The following ITGB4 variants were observed in gnomAD, a reference collection of about 807,000 sequenced individuals.
ITGB4 encodes the protein integrin subunit beta 4.
Under a neutral mutation model 207.6 loss-of-function variants are expected in ITGB4, and 159 were observed. The ratio of observed to expected loss-of-function variants is 0.77; its 90% CI spans 0.67 to 0.87. ITGB4 has a LOEUF of 0.87. Among genes scored for constraint, ITGB4 ranks in the 40% least tolerant of loss-of-function variants. The pLI is 0.00. For synonymous variants in ITGB4, 1,020 were observed against 1,062.7 expected, an observed-to-expected ratio of 0.96 and a Z score of 0.78; for missense variants, 2,278 against 2,546.8, an observed-to-expected ratio of 0.89 and a Z score of 2.27.
chr17:75,731,746 C>G lies in ITGB4; in HGVS notation c.1216-66C>G. The G allele has an allele frequency of 6.7e-7, 1 of 1,492,308 alleles. No homozygotes were observed. Among genetic ancestry groups the G allele is most frequent in the Non-Finnish European group, 9.0e-7 (1 of 1,112,128 alleles). The allele number at this position is 1,492,308 out of a possible 1,614,324, so 92.4% of individuals were successfully genotyped here. A position where few individuals can be genotyped will look rare whatever the true frequency, so the allele number is the denominator to read the frequency against. On this transcript the variant is annotated intron_variant, in intron 10 of 39. Coordinates refer to ENST00000200181, the MANE Select transcript of ITGB4 (RefSeq NM_000213.5). This position sits in a 1 kb window ranked among gnomAD's most constrained non-coding sequence, Gnocchi z 6.8. ...TAGGAACTTGGGGGCCGAGGGCCTT[C>G]AGGCATCGATGGCCCCCTGGTCCTT...
chr17:75,749,052 A>G lies in ITGB4; in HGVS notation c.3316+7A>G. 1 of 1,607,432 alleles carries G rather than the reference A, an allele frequency of 6.2e-7. No individual in the cohort carries two copies. Among genetic ancestry groups the G allele is most frequent in the East Asian group, 2.2e-5 (1 of 44,868 alleles). ...ATCATCATCAGGGACCCAGGTAGGCAGAGCCTGGGGGTCGGCTTAAGCAGG... is the reference window on the plus strand; with the variant it reads ...ATCATCATCAGGGACCCAGGTAGGCGGAGCCTGGGGGTCGGCTTAAGCAGG... On this transcript the variant is annotated splice_region_variant and intron_variant, in intron 27 of 39. Transcript: ENST00000200181.
chr17:75,742,618 A>G lies in ITGB4; in HGVS notation c.2819A>G (p.Glu940Gly), dbSNP rs1357922259. The G allele has an allele frequency of 6.2e-7, 1 of 1,613,830 alleles. No homozygotes were observed. Among genetic ancestry groups the G allele is most frequent in the Non-Finnish European group, 8.5e-7 (1 of 1,180,000 alleles). ...RGMVEFQEGV[E>G]LVDVRVPLFI... ...ATGGTGGAGTTCCAGGAGGGCGTGGAGCTGGTGGACGTACGGGTGCCCCTC... is the reference window on the plus strand; with the variant it reads ...ATGGTGGAGTTCCAGGAGGGCGTGGGGCTGGTGGACGTACGGGTGCCCCTC... Residue 940 changes from glutamate to glycine, a missense_variant, in exon 25 of 40, where the codon GAG becomes GGG. Coordinates refer to ENST00000200181, the MANE Select transcript of ITGB4 (RefSeq NM_000213.5). This position sits in a 1 kb window ranked among gnomAD's most constrained non-coding sequence, Gnocchi z 5.9.
At chr17:75,733,417 A>T in intron 12 of ITGB4, 73 bp from the exon 13 acceptor site, 1 of 1,192,990 alleles carries the variant, frequency 8.4e-7, no homozygotes, top group Non-Finnish European at 1.2e-6. Flanking sequence ...AAATTAAATT[A>T]AATTAAATGG....
chr17:75,736,176 A>T, intron 14 of ITGB4, 22 bp downstream of exon 14: 2 of 1,611,776 alleles, frequency 1.2e-6, no homozygotes, highest in South Asian at 2.2e-5. Context: ...CATAAGACAG[A>T]CAGTGTCTGT....
At position 75,731,942 on chromosome 17, in the gene ITGB4, G is replaced by A. The variant is rs566831423; in HGVS notation, c.1346G>A (p.Gly449Asp). Residue 449 changes from glycine (G) to aspartate (D), a missense_variant, in exon 11 of 40, where the codon GGC (glycine) becomes GAC (aspartate). Coordinates refer to ENST00000200181, the MANE Select transcript of ITGB4 (RefSeq NM_000213.5). The surrounding 1 kb of genome is among the most constrained non-coding windows in gnomAD (Gnocchi z 6.8). ...SFSDGLKMDA[G>D]IICDVCTCEL... Reference sequence around the variant, plus strand: ...TCCGACGGCCTCAAGATGGACGCGGGCATCATCTGTGATGTGTGCACCTGC... The same window carrying A: ...TCCGACGGCCTCAAGATGGACGCGGACATCATCTGTGATGTGTGCACCTGC... The A allele has an allele frequency of 6.2e-7, 1 of 1,614,052 alleles. No individual in the cohort carries two copies. The highest frequency in any genetic ancestry group is 1.3e-5 in the African/African-American group (1 of 75,058).
chr17:75,727,773 C>G lies in ITGB4; in HGVS notation c.387C>G (p.Pro129=). 6.2e-7 allele frequency: 1 copy of G among 1,614,066 alleles called. No homozygotes were observed. The highest frequency in any genetic ancestry group is 2.2e-5 in the East Asian group (1 of 44,882). The change falls in exon 5 of 40, where the codon CCC becomes CCG. Residue 129 remains proline (P), a synonymous_variant. Transcript: ENST00000200181. The surrounding 1 kb of genome is among the most constrained non-coding windows in gnomAD (Gnocchi z 6.0). ...AGGTGTTTGAGCCACTGGAGAGCCC[C>G]GTGGACCTGTACATCCTCATGGACT... ...ELEVFEPLES[P]VDLYILMDFS...
rs149764167 is a variant in ITGB4, at chr17:75,729,678, G to C, written c.738+242G>C. Among the ~76,000 whole-genome samples the C allele has an allele frequency of 1.3e-5, 2 of 152,296 alleles. No individual in the cohort carries two copies. Among genetic ancestry groups the C allele is most frequent in the African/African-American group, 2.4e-5 (1 of 41,562 alleles). On this transcript the variant is annotated intron_variant, in intron 7 of 39. Transcript: ENST00000200181. The surrounding 1 kb of genome is among the most constrained non-coding windows in gnomAD (Gnocchi z 4.4). ...GCCTGAGCAGTCACAGCCTGGTTTC[G>C]TATCAGCTACCAAGGCAGACCTGGG... is the stretch of plus-strand genomic sequence containing the variant.
Position 75,740,158 on chromosome 17 carries a change from T to C in ITGB4, c.2446+87T>C, listed in dbSNP as rs2061073876. 4 of 1,427,324 alleles carry C rather than the reference T, an allele frequency of 2.8e-6. No homozygotes were observed. The highest frequency in any genetic ancestry group is 3.8e-6 in the Non-Finnish European group (4 of 1,050,758). The allele number at this position is 1,427,324 out of a possible 1,614,324, so 88.4% of individuals were successfully genotyped here. A position where few individuals can be genotyped will look rare whatever the true frequency, so the allele number is the denominator to read the frequency against. On this transcript the variant is annotated intron_variant, in intron 20 of 39. Coordinates refer to ENST00000200181, the MANE Select transcript of ITGB4 (RefSeq NM_000213.5). The surrounding 1 kb of genome is among the most constrained non-coding windows in gnomAD (Gnocchi z 5.9). ...CTGGGATCACAGCATGCCTCTTCTC[T>C]GGGTGTGGGGTGCAGGCACAGGGCT...
Position 75,743,853 on chromosome 17 carries a change from G to A in ITGB4, c.3103G>A (p.Gly1035Ser). Residue 1035 changes from glycine (G) to serine (S), a missense_variant, in exon 26 of 40, where the codon GGC (glycine) becomes AGC (serine). Physicochemically the swap from Gly to Ser is moderately conservative, Grantham distance 56. Transcript: ENST00000200181. ...SYRTQDGTAQ[G>S]NRDYIPVEGE... Reference sequence around the variant, plus strand: ...CCGCACACAGGATGGCACCGCGCAGGGCAACCGGGTGAGGCTGCGCCACAG... The same window carrying A: ...CCGCACACAGGATGGCACCGCGCAGAGCAACCGGGTGAGGCTGCGCCACAG... The A allele has an allele frequency of 1.3e-6, 2 of 1,589,518 alleles. No individual in the cohort carries two copies. Among genetic ancestry groups the A allele is most frequent in the South Asian group, 2.3e-5 (2 of 88,438 alleles).
intron 27 of ITGB4, among the ~76,000 whole-genome samples, 185 bp downstream of exon 27, chr17:75,749,230 T>C (rs754315676): frequency 5.9e-5 from 9 of 151,728 alleles, no homozygotes; most frequent in Middle Eastern, 3.4e-3. Flanking sequence ...ATACTTATCC[T>C]TTTTTTTGCA....
chr17:75,735,963 G>A, intron 13 of ITGB4, 88 bp from the exon 14 acceptor site: 2 of 1,233,912 alleles, frequency 1.6e-6, no homozygotes, highest in Non-Finnish European at 2.4e-6. Flanking sequence ...CCACAGCTCT[G>A]TTCCCACAGG....
At chr17:75,756,649 C>G in intron 36 of ITGB4, 32 bp downstream of exon 36, 1 of 1,613,018 alleles carries the variant, frequency 6.2e-7, no homozygotes, top group Non-Finnish European at 8.5e-7. Flanking sequence ...CAGAGCTGCC[C>G]CCATCATGCC....
intron 2 of ITGB4, 50 bp downstream of exon 2, chr17:75,724,832 G>A: frequency 6.7e-7 from 1 of 1,482,136 alleles, no homozygotes; most frequent in Non-Finnish European, 9.4e-7. Context: ...CATCCCTTGG[G>A]CAGGCATTGC....
At chr17:75,746,634 T>C (rs962534024) in intron 26 of ITGB4, among the ~76,000 whole-genome samples, 1 of 151,516 alleles carries the variant, frequency 6.6e-6, no homozygotes, top group Non-Finnish European at 1.5e-5. Flanking sequence ...GCTACCCTGT[T>C]ACACTTGTAT....
Position 75,732,305 on chromosome 17 carries a change from G to C in ITGB4, c.1454+66G>C, listed in dbSNP as rs1036421746. The C allele has an allele frequency of 2.7e-6, 4 of 1,501,634 alleles. No individual in the cohort carries two copies. Among genetic ancestry groups the C allele is most frequent in the Non-Finnish European group, 3.7e-6 (4 of 1,079,390 alleles). 93.0% of individuals were successfully genotyped at this position (1,501,634 alleles called of 1,614,324 possible). A position where few individuals can be genotyped will look rare whatever the true frequency, so the allele number is the denominator to read the frequency against. ...CCCCTGATGGGAAAGCTGGGCTCCT[G>C]CAGGGGCCTGGCCCTGGGTGCACCT... On this transcript the variant is annotated intron_variant, in intron 12 of 39. Coordinates refer to ENST00000200181, the MANE Select transcript of ITGB4 (RefSeq NM_000213.5). This position sits in a 1 kb window ranked among gnomAD's most constrained non-coding sequence, Gnocchi z 5.3.
intron 7 of ITGB4, among the ~76,000 whole-genome samples, chr17:75,730,039 G>A (rs1202020159): frequency 6.6e-6 from 1 of 152,240 alleles, no homozygotes; most frequent in Non-Finnish European, 1.5e-5. Flanking sequence ...CCTTGCGGGG[G>A]CCGCATCTCC....
chr17:75,724,152 C>G (rs552332893), intron 1 of ITGB4, among the ~76,000 whole-genome samples: 1 of 152,352 alleles, frequency 6.6e-6, no homozygotes, highest in African/African-American at 2.4e-5. Context: ...CAGAACCCAA[C>G]CCGGTGCAGT....
intron 25 of ITGB4, 95 bp from the exon 26 acceptor site, chr17:75,743,618 G>C: frequency 6.4e-7 from 1 of 1,565,830 alleles, no homozygotes; most frequent in Non-Finnish European, 8.8e-7. Flanking sequence ...GCGGACTCCT[G>C]GATTCTGGGC....
Position 75,748,795 on chromosome 17 carries a change from C to T in ITGB4, c.3112-46C>T, listed in dbSNP as rs766830609. On this transcript the variant is annotated intron_variant, in intron 26 of 39. Transcript: ENST00000200181. ...GGGAGCGTGTGGCCATGACTCTTGC[C>T]TCAGCCCCCAGCCATGACCCTGACC... The T allele has an allele frequency of 1.3e-5, 19 of 1,485,464 alleles. No individual in the cohort carries two copies. The Middle Eastern group carries it at 1.2e-3, about 96-fold the overall frequency. 92.0% of individuals were successfully genotyped at this position (1,485,464 alleles called of 1,614,324 possible).
Sources: allele counts gnomAD v4.1 joint callset (sites outside exome capture counted in the v4.1 genomes callset), GRCh38; gene constraint gnomAD v4.1.1; non-coding constraint Gnocchi (gnomAD v3.1); transcripts MANE v1.5; gene names NCBI Gene and HGNC (gene_info 2026-07-23, HGNC 2026-07-21).